The following MACC1 variants were observed in gnomAD, a reference collection of about 807,000 sequenced individuals.
The protein encoded by MACC1 is MET transcriptional regulator MACC1, also known as metastasis-associated in colon cancer protein 1.
Under a neutral mutation model 70.7 loss-of-function variants are expected in MACC1, and 79 were observed. The ratio of observed to expected loss-of-function variants is 1.12; its 90% CI spans 0.93 to 1.35. The LOEUF (loss-of-function observed/expected upper bound fraction) is 1.35. MACC1 is among the 40% of genes most tolerant of loss of function. The pLI is 0.00. For synonymous variants in MACC1, 361 were observed against 347.2 expected, an observed-to-expected ratio of 1.04 and a Z score of -0.44; for missense variants, 1,106 against 978.1, an observed-to-expected ratio of 1.13 and a Z score of -1.74.
intron 3 of MACC1, among the ~76,000 whole-genome samples, chr7:20,163,374 A>C (rs927350958): frequency 2.0e-5 from 3 of 152,254 alleles, no homozygotes; most frequent in African/African-American, 7.2e-5. Context: ...ATTGTCTAGG[A>C]AATAGGCTTA....
Position 20,159,262 on chromosome 7 carries a change from G to T in MACC1, c.1099C>A (p.His367Asn), listed in dbSNP as rs771399149. Residue 367 changes from histidine to asparagine, a missense_variant, in exon 5 of 7, where the codon CAC becomes AAC. Transcript: ENST00000400331. ...TAAATTCCAATTGAGGTGGTTTTGT[G>T]GATATAATCCCAAATGGTGGCAGCT... ...SPAATIWDYI[H>N]KTTSIGIYGP... is the part of the protein sequence containing the mutation. 6.2e-7 allele frequency: 1 copy of T among 1,613,920 alleles called. No individual in the cohort carries two copies. Among genetic ancestry groups the T allele is most frequent in the South Asian group, 1.1e-5 (1 of 91,046 alleles).
intron 1 of MACC1, among the ~76,000 whole-genome samples, chr7:20,189,019 C>A (rs1247449452): frequency 2.6e-5 from 4 of 152,164 alleles, no homozygotes; most frequent in African/African-American, 7.2e-5. Context: ...CCTTTCATTT[C>A]TTGAACACAG....
At chr7:20,144,141 AT>A (rs1442065959) in intron 6 of MACC1, among the ~76,000 whole-genome samples, 3 of 152,178 alleles carry the variant, frequency 2.0e-5, no homozygotes, top group Non-Finnish European at 4.4e-5. Context: ...CAACATTATC[AT>A]TGTTCATTAA....
intron 1 of MACC1, among the ~76,000 whole-genome samples, chr7:20,197,846 A>G (rs1218312094): frequency 1.3e-5 from 2 of 152,210 alleles, no homozygotes; most frequent in African/African-American, 4.8e-5. Context: ...TTTAGGAGAA[A>G]TGTTTCCAAA....
intron 1 of MACC1, among the ~76,000 whole-genome samples, chr7:20,199,608 T>C (rs1782803922): frequency 6.6e-6 from 1 of 152,072 alleles, no homozygotes; most frequent in African/African-American, 2.4e-5. Flanking sequence ...AAGGATGAAA[T>C]GACAGAATAA....
At chr7:20,185,527 A>T (rs954002960) in intron 1 of MACC1, among the ~76,000 whole-genome samples, 2 of 152,170 alleles carry the variant, frequency 1.3e-5, no homozygotes, top group African/African-American at 4.8e-5. Flanking sequence ...TTTATAAAGA[A>T]ATATGAAAAA....
intron 6 of MACC1, 144 bp downstream of exon 6, chr7:20,154,049 A>T (rs1422082340): frequency 1.4e-6 from 1 of 736,876 alleles, no homozygotes; most frequent in Non-Finnish European, 2.3e-6. Context: ...GATAGTACTG[A>T]TGAGTTACTA....
intron 2 of MACC1, among the ~76,000 whole-genome samples, chr7:20,167,150 T>C (rs1782233064): frequency 6.6e-6 from 1 of 152,146 alleles, no homozygotes; most frequent in Non-Finnish European, 1.5e-5. Flanking sequence ...CTTGCAACAA[T>C]TCTAGAAAGT....
At chr7:20,155,834 C>G (rs980847663) in intron 5 of MACC1, among the ~76,000 whole-genome samples, 1 of 152,138 alleles carries the variant, frequency 6.6e-6, no homozygotes, top group Non-Finnish European at 1.5e-5. Flanking sequence ...TTTTAGTAAA[C>G]TGTGGAGTGG....
rs1317018524 is a variant in MACC1, at chr7:20,136,891, A to C, written c.*4055T>G. The C allele has an allele frequency of 7.1e-6, 1 of 140,708 alleles. No individual in the cohort carries two copies. Among genetic ancestry groups the C allele is most frequent in the African/African-American group, 2.5e-5 (1 of 40,498 alleles). 8.7% of individuals were successfully genotyped at this position (140,708 alleles called of 1,614,324 possible). ...TAAAGATTATTAATTATAATATTAA[A>C]TTATATTATTAATTCTTAAAGATTA... On this transcript the variant is annotated 3_prime_UTR_variant, in exon 7 of 7. Transcript: ENST00000400331.
intron 4 of MACC1, 100 bp from the exon 5 acceptor site, chr7:20,160,345 C>T: frequency 7.2e-7 from 1 of 1,385,078 alleles, no homozygotes. Context: ...TCAGGACTTA[C>T]TTTTCATTTT....
chr7:20,176,009 C>A (rs1395440774), intron 1 of MACC1, among the ~76,000 whole-genome samples: 2 of 152,042 alleles, frequency 1.3e-5, no homozygotes, highest in African/African-American at 2.4e-5. Flanking sequence ...TATTATTGCA[C>A]CTCTTGAGCC....
At position 20,136,529 on chromosome 7, in the gene MACC1, A is replaced by G. The variant is rs1781719664; in HGVS notation, c.*4417T>C. The G allele has an allele frequency of 6.6e-6, 1 of 152,242 alleles. No homozygotes were observed. Among genetic ancestry groups the G allele is most frequent in the Non-Finnish European group, 1.5e-5 (1 of 68,038 alleles). 9.4% of individuals were successfully genotyped at this position (152,242 alleles called of 1,614,324 possible). ...GTGAAATCTTGATGCTGAACATCAG[A>G]TACATTTCAGATGCTGTATGTGTAC... On this transcript the variant is annotated 3_prime_UTR_variant, in exon 7 of 7. Transcript: ENST00000400331.
At chr7:20,214,847 C>A (rs747852534) in intron 1 of MACC1, among the ~76,000 whole-genome samples, 1 of 152,040 alleles carries the variant, frequency 6.6e-6, no homozygotes, top group African/African-American at 2.4e-5. Context: ...ATTTAATGTG[C>A]GAAAGTTTGG....
At chr7:20,187,805 A>G (rs1782611643) in intron 1 of MACC1, among the ~76,000 whole-genome samples, 1 of 152,140 alleles carries the variant, frequency 6.6e-6, no homozygotes, top group African/African-American at 2.4e-5. Context: ...GGAATCTCCA[A>G]CACCCTTCTC....
chr7:20,138,456 C>A lies in MACC1; in HGVS notation c.*2490G>T, dbSNP rs1781749272. 1 of 152,058 alleles carries A rather than the reference C, an allele frequency of 6.6e-6. No individual in the cohort carries two copies. The highest frequency in any genetic ancestry group is 6.6e-5 in the Admixed American group (1 of 15,254). The allele number at this position is 152,058 out of a possible 1,614,324, so 9.4% of individuals were successfully genotyped here. ...ATCCCCACTATCCCTTCCCAAAATT[C>A]TCTGGTTAGCTGACATGTTAATAAG... is the stretch of plus-strand genomic sequence containing the variant. On this transcript the variant is annotated 3_prime_UTR_variant, in exon 7 of 7. Coordinates refer to ENST00000400331, the MANE Select transcript of MACC1 (RefSeq NM_182762.4).
At chr7:20,190,202 C>A (rs1400399482) in intron 1 of MACC1, among the ~76,000 whole-genome samples, 1 of 152,176 alleles carries the variant, frequency 6.6e-6, no homozygotes, top group Non-Finnish European at 1.5e-5. Context: ...TTCTATTTTT[C>A]TTTACTCCAA....
chr7:20,172,385 G>A (rs1430274697), intron 1 of MACC1, among the ~76,000 whole-genome samples: 1 of 152,042 alleles, frequency 6.6e-6, no homozygotes, highest in Non-Finnish European at 1.5e-5. Context: ...CATAAAGAAT[G>A]TAAAATATTC....
In MACC1 at chr7:20,158,407, C is replaced by T. The variant is rs61744190; in HGVS notation, c.1954G>A (p.Val652Ile). The change falls in exon 5 of 7, where the codon GTT (valine) becomes ATT (isoleucine). Residue 652 changes from valine (V) to isoleucine (I), a missense_variant. Val to Ile is a conservative substitution (Grantham distance 29, BLOSUM62 3). Transcript: ENST00000400331. Reference protein sequence around the residue: ...PLKKLTYIYSVVLTLVSEKVY... With the variant: ...PLKKLTYIYSIVLTLVSEKVY... The stretch of plus-strand genomic sequence containing the variant: ...TTTTCTGACACCAAGGTTAATACAA[C>T]TGAGTAGATATAAGTCAATTTTTTT... The T allele has an allele frequency of 1.5e-5, 25 of 1,613,660 alleles. No homozygotes were observed. In the African/African-American group the frequency reaches 2.7e-4, roughly 17 times the overall value.
Sources: gnomAD v4.1 joint callset for allele counts (sites outside exome capture counted in the v4.1 genomes callset) on GRCh38, gnomAD v4.1.1 for gene constraint, MANE v1.5 for transcripts, NCBI Gene and HGNC (gene_info 2026-07-23, HGNC 2026-07-21) for gene names.